ULK4: variants seen among roughly 807,000 people sequenced by gnomAD.
The protein encoded by ULK4 is inactive serine/threonine-protein kinase ULK4.
ULK4 carries 133 observed loss-of-function variants against 160.6 expected under a neutral mutation model. That is an observed-to-expected ratio of 0.83 (90% confidence interval 0.72 to 0.96). The LOEUF (loss-of-function observed/expected upper bound fraction) is 0.96. ULK4 is among the 40% of genes least tolerant of loss of function. The pLI is 0.00. For synonymous variants in ULK4, 534 were observed against 539.8 expected (o/e 0.99, Z 0.15); for missense variants, 1,580 against 1,499.5 (o/e 1.05, Z -0.89).
chr3:41,400,101 T>C (rs896202077), intron 34 of ULK4, among the ~76,000 whole-genome samples: 1 of 152,182 alleles, frequency 6.6e-6, no homozygotes, highest in Non-Finnish European at 1.5e-5. Flanking sequence ...TTCAGAGAGA[T>C]TCCATATATA....
chr3:41,471,650 A>G (rs1164579433), intron 32 of ULK4, among the ~76,000 whole-genome samples: 2 of 152,238 alleles, frequency 1.3e-5, no homozygotes, highest in African/African-American at 4.8e-5. Context: ...TGAAATAATA[A>G]CAAGTACCTT....
intron 32 of ULK4, among the ~76,000 whole-genome samples, chr3:41,563,113 T>C (rs2087657330): frequency 6.6e-6 from 1 of 152,312 alleles, no homozygotes; most frequent in African/African-American, 2.4e-5. Context: ...CTCCTTCACT[T>C]AGGAAGCTTA....
intron 19 of ULK4, among the ~76,000 whole-genome samples, chr3:41,804,204 T>A (rs1354002665): frequency 6.6e-6 from 1 of 151,772 alleles, no homozygotes; most frequent in Admixed American, 6.6e-5. Flanking sequence ...GGTATCTCAT[T>A]GTGGTTTTGA....
At chr3:41,530,787 CGGAG>C (rs1559372284) in intron 32 of ULK4, among the ~76,000 whole-genome samples, 8 of 152,066 alleles carry the variant, frequency 5.3e-5, no homozygotes. Flanking sequence ...TTTTTGGAGA[CGGAG>C]TCTCGCTCTG....
At chr3:41,588,534 G>C (rs957023646) in intron 31 of ULK4, among the ~76,000 whole-genome samples, 10 of 152,192 alleles carry the variant, frequency 6.6e-5, no homozygotes, top group Non-Finnish European at 1.3e-4. Flanking sequence ...AGTGGCAAGA[G>C]AGGCCCAGGT....
At chr3:41,315,253 G>T (rs2080124537) in intron 35 of ULK4, among the ~76,000 whole-genome samples, 2 of 152,030 alleles carry the variant, frequency 1.3e-5, no homozygotes, top group Non-Finnish European at 2.9e-5. Flanking sequence ...TTCTCATTTT[G>T]GCTTGGAAAC....
At chr3:41,438,273 C>T (rs2083081321) in intron 34 of ULK4, among the ~76,000 whole-genome samples, 1 of 151,920 alleles carries the variant, frequency 6.6e-6, no homozygotes, top group Non-Finnish European at 1.5e-5. Flanking sequence ...ATAAATCAGA[C>T]CATATAACTT....
At chr3:41,910,712 C>T (rs939893264) in intron 11 of ULK4, among the ~76,000 whole-genome samples, 8 of 152,232 alleles carry the variant, frequency 5.3e-5, no homozygotes, top group African/African-American at 1.9e-4. Flanking sequence ...AAAGCATTAA[C>T]AACAACAACA....
intron 35 of ULK4, among the ~76,000 whole-genome samples, chr3:41,379,205 A>T (rs1575489760): frequency 9.4e-6 from 1 of 105,978 alleles, no homozygotes; most frequent in South Asian, 2.7e-4. Flanking sequence ...AAAGTATTTA[A>T]AAAAAAAATA....
intron 21 of ULK4, among the ~76,000 whole-genome samples, chr3:41,767,415 T>A (rs2039204208): frequency 6.6e-6 from 1 of 152,188 alleles, no homozygotes; most frequent in Non-Finnish European, 1.5e-5. Flanking sequence ...AAAACAGCCA[T>A]CTGCTCCCCA....
chr3:41,539,825 C>A (rs892739885), intron 32 of ULK4, among the ~76,000 whole-genome samples: 1 of 152,082 alleles, frequency 6.6e-6, no homozygotes, highest in Non-Finnish European at 1.5e-5. Flanking sequence ...CATCCCACCT[C>A]AGTCACATAA....
chr3:41,635,661 A>C (rs1447196319), intron 30 of ULK4, among the ~76,000 whole-genome samples: 1 of 152,156 alleles, frequency 6.6e-6, no homozygotes, highest in Non-Finnish European at 1.5e-5. Context: ...TTGGACATCC[A>C]TGCTTCAATT....
intron 2 of ULK4, among the ~76,000 whole-genome samples, chr3:41,949,336 A>AC (rs748673666): frequency 0.031 from 4,734 of 150,602 alleles, 116 homozygotes; most frequent in Non-Finnish European, 0.05. Flanking sequence ...ACACACACAC[A>AC]AAAAGTAAAG....
intron 20 of ULK4, among the ~76,000 whole-genome samples, chr3:41,797,874 A>G (rs1358420829): frequency 2.6e-5 from 4 of 152,096 alleles, no homozygotes; most frequent in Non-Finnish European, 5.9e-5. Flanking sequence ...AAAGAAAAAG[A>G]AAATGAAAGG....
At position 41,655,145 on chromosome 3, in the gene ULK4, C is replaced by CAA. The variant is rs61034423; in HGVS notation, c.3071+8460_3071+8461dup. ...GCAACATAGTAAGATGCCATCTCTACAAAAAAAAAAATCGTTTAAATTATC... is the reference window on the plus strand; with the variant it reads ...GCAACATAGTAAGATGCCATCTCTACAAAAAAAAAAAAATCGTTTAAATTATC... On this transcript the variant is annotated intron_variant, in intron 30 of 36. Coordinates refer to ENST00000301831, the MANE Select transcript of ULK4 (RefSeq NM_017886.4). Among the ~76,000 whole-genome samples, 540 of 139,790 alleles carry CAA rather than the reference C, an allele frequency of 3.9e-3. 4 individuals are homozygous for CAA. The East Asian group carries it at 0.046, about 12-fold the overall frequency. The allele number at this position is 139,790 out of a possible 152,430, so 91.7% of individuals were successfully genotyped here.
Position 41,769,259 on chromosome 3 carries a change from C to A in ULK4, c.2194-14771G>T, listed in dbSNP as rs1463576639. ...GAATGAACAGTAATGACTTTGACTC[C>A]CTACAACTAGTTGCCTAGGATTCTA... On this transcript the variant is annotated intron_variant, in intron 21 of 36. Transcript: ENST00000301831. Among the ~76,000 whole-genome samples the A allele has an allele frequency of 3.9e-5, 6 of 152,118 alleles. No individual in the cohort carries two copies. The East Asian group carries it at 1.2e-3, about 29-fold the overall frequency.
chr3:41,765,972 G>C (rs2039147925), intron 21 of ULK4, among the ~76,000 whole-genome samples: 1 of 152,112 alleles, frequency 6.6e-6, no homozygotes, highest in African/African-American at 2.4e-5. Flanking sequence ...AAGTTTGTAA[G>C]AATAAGAATC....
intron 33 of ULK4, among the ~76,000 whole-genome samples, chr3:41,461,674 C>T (rs2083687257): frequency 6.6e-6 from 1 of 152,142 alleles, no homozygotes; most frequent in African/African-American, 2.4e-5. Context: ...AAGGAGTTTC[C>T]TTTCAAAACA....
At chr3:41,471,736 C>T (rs2083996763) in intron 32 of ULK4, among the ~76,000 whole-genome samples, 2 of 151,134 alleles carry the variant, frequency 1.3e-5, no homozygotes, top group South Asian at 4.2e-4. Flanking sequence ...ACATGAAAAA[C>T]AACATGTTCC....
Sources: gnomAD v4.1 joint callset for allele counts (sites outside exome capture counted in the v4.1 genomes callset) on GRCh38, gnomAD v4.1.1 for gene constraint, MANE v1.5 for transcripts, NCBI Gene and HGNC (gene_info 2026-07-23, HGNC 2026-07-21) for gene names.